The following ADAM11 variants were observed in gnomAD, a reference collection of about 807,000 sequenced individuals.
ADAM11 encodes the protein ADAM metallopeptidase domain 11.
In ADAM11, 49 loss-of-function variants were observed where a neutral mutation model predicts 119.1. That is an observed-to-expected ratio of 0.41 (90% confidence interval 0.33 to 0.52). ADAM11 has a LOEUF of 0.52. Among genes scored for constraint, ADAM11 ranks in the 20% least tolerant of loss-of-function variants. The pLI, the probability that ADAM11 is intolerant of heterozygous loss-of-function variation, is 0.20. For missense variants in ADAM11, 777 were observed against 1,047.5 expected (o/e 0.74, Z 3.56); for synonymous variants, 364 against 408.0 (o/e 0.89, Z 1.30).
chr17:44,776,151 C>G lies in ADAM11; in HGVS notation c.1510C>G (p.Arg504Gly), dbSNP rs770448189. 1 of 1,613,588 alleles carries G rather than the reference C, an allele frequency of 6.2e-7. No individual in the cohort carries two copies. Among genetic ancestry groups the G allele is most frequent in the South Asian group, 1.1e-5 (1 of 91,066 alleles). ...CKYEPRGVSC[R>G]EAVNECDIAE... ...GTACGAACCACGGGGTGTGTCCTGC[C>G]GAGAGGCCGTGAACGAGTGCGACAT... The change falls in exon 18 of 27, where the codon CGA (arginine) becomes GGA (glycine). Residue 504 changes from arginine to glycine, a missense_variant. By Grantham distance (125) the Arg-to-Gly change is moderately radical. Transcript: ENST00000200557. The surrounding 1 kb of genome is among the most constrained non-coding windows in gnomAD (Gnocchi z 5.2).
chr17:44,759,395 C>G, intron 1 of ADAM11, 135 bp downstream of exon 1: 2 of 1,260,612 alleles, frequency 1.6e-6, no homozygotes, highest in Non-Finnish European at 2.0e-6. Flanking sequence ...GGTAGGGGAG[C>G]GGGAGAGGAG....
chr17:44,779,351 G>A, intron 26 of ADAM11, 112 bp downstream of exon 26: 2 of 1,472,184 alleles, frequency 1.4e-6, no homozygotes, highest in Non-Finnish European at 1.8e-6. Context: ...GGGGAGCGGG[G>A]GCTGATTCCC....
intron 1 of ADAM11, 22 bp downstream of exon 1, chr17:44,759,282 C>T (rs1243996582): frequency 6.5e-6 from 9 of 1,377,852 alleles, no homozygotes; most frequent in Non-Finnish European, 8.4e-6. Context: ...CCGCCCGGCC[C>T]CGGCGCCCCC....
chr17:44,764,769 C>CGAG (rs1340621595), intron 2 of ADAM11, among the ~76,000 whole-genome samples: 6 of 152,114 alleles, frequency 3.9e-5, no homozygotes, highest in African/African-American at 1.4e-4. Context: ...CAGGCTGCTG[C>CGAG]GAGGACTTGA....
intron 2 of ADAM11, among the ~76,000 whole-genome samples, chr17:44,766,001 G>T (rs1014459624): frequency 6.6e-6 from 1 of 152,176 alleles, no homozygotes; most frequent in Non-Finnish European, 1.5e-5. Context: ...TCCATTCAAC[G>T]TGAGTGTTGA....
chr17:44,772,441 G>T lies in ADAM11; in HGVS notation c.653G>T (p.Arg218Leu). 2 of 1,575,648 alleles carry T rather than the reference G, an allele frequency of 1.3e-6. No homozygotes were observed. The highest frequency in any genetic ancestry group is 1.7e-6 in the Non-Finnish European group (2 of 1,160,246). The change falls in exon 8 of 27, where the codon CGG (arginine) becomes CTG (leucine). Residue 218 changes from arginine to leucine, a missense_variant. Physicochemically the swap from Arg to Leu is moderately radical, Grantham distance 102. Coordinates refer to ENST00000200557, the MANE Select transcript of ADAM11 (RefSeq NM_002390.6). The surrounding 1 kb of genome is among the most constrained non-coding windows in gnomAD (Gnocchi z 4.5). Reference sequence around the variant, plus strand: ...CCTGCCCAGTCGGCTCCTCCAAACCGGCCGAGGCTGAGAAGGAAAAGGCAG... The same window carrying T: ...CCTGCCCAGTCGGCTCCTCCAAACCTGCCGAGGCTGAGAAGGAAAAGGCAG... Reference protein sequence around the residue: ...AVPAQSAPPNRPRLRRKRQVR... With the variant: ...AVPAQSAPPNLPRLRRKRQVR...
intron 2 of ADAM11, among the ~76,000 whole-genome samples, chr17:44,760,470 C>T (rs1412380065): frequency 2.0e-5 from 3 of 152,248 alleles, no homozygotes; most frequent in Admixed American, 1.3e-4. Context: ...CTGTCCCTTT[C>T]AGCTGCCAGG....
chr17:44,762,969 C>CAA (rs56690757), intron 2 of ADAM11, among the ~76,000 whole-genome samples: 19,363 of 130,534 alleles, frequency 0.15, 1,381 homozygotes, highest in South Asian at 0.29. Flanking sequence ...CCGTCTCTAC[C>CAA]AAAAAAAAAA....
chr17:44,762,426 C>T (rs1475460880), intron 2 of ADAM11, among the ~76,000 whole-genome samples: 1 of 152,198 alleles, frequency 6.6e-6, no homozygotes, highest in Non-Finnish European at 1.5e-5. Flanking sequence ...GCGCTTTTGG[C>T]CTCAGAGCCA....
In ADAM11 at chr17:44,780,992, T is replaced by G. The variant is rs898009133; in HGVS notation, c.*1238T>G. 3.3e-5 allele frequency: 5 copies of G among 152,528 alleles called. No individual in the cohort carries two copies. Among genetic ancestry groups the G allele is most frequent in the African/African-American group, 1.2e-4 (5 of 41,422 alleles). The allele number at this position is 152,528 out of a possible 1,614,324, so 9.4% of individuals were successfully genotyped here. On this transcript the variant is annotated 3_prime_UTR_variant, in exon 27 of 27. Transcript: ENST00000200557. The stretch of plus-strand genomic sequence containing the variant: ...CAGTCTTCTCACACAGTCCTGCCGG[T>G]GGCCTTCCCTCATGACCCTTGCTTG...
At position 44,776,817 on chromosome 17, in the gene ADAM11, C is replaced by T; in HGVS notation, c.1617+22C>T. The stretch of plus-strand genomic sequence containing the variant: ...GCAGGTATGATGGCTGCCCCCTGAG[C>T]CTGGGATTCAGGGCAGTCTCTTGTC... On this transcript the variant is annotated intron_variant, in intron 19 of 26. Coordinates refer to ENST00000200557, the MANE Select transcript of ADAM11 (RefSeq NM_002390.6). The surrounding 1 kb of genome is among the most constrained non-coding windows in gnomAD (Gnocchi z 5.2). 1.2e-6 allele frequency: 2 copies of T among 1,614,080 alleles called. No individual in the cohort carries two copies. The highest frequency in any genetic ancestry group is 1.7e-6 in the Non-Finnish European group (2 of 1,179,930).
At chr17:44,767,351 T>G in intron 2 of ADAM11, among the ~76,000 whole-genome samples, 1 of 100,838 alleles carries the variant, frequency 9.9e-6, no homozygotes, top group Non-Finnish European at 1.9e-5. Flanking sequence ...TGAGACTCCA[T>G]CTCAAAAAAA....
In ADAM11 at chr17:44,778,262, T is replaced by C. The variant is rs2049634110; in HGVS notation, c.2276+20T>C. ...ATTTAAGTAAGAGACACACACACCC[T>C]GTGCCCCCTGGCATCCTTGAGGGGG... On this transcript the variant is annotated intron_variant, in intron 25 of 26. Coordinates refer to ENST00000200557, the MANE Select transcript of ADAM11 (RefSeq NM_002390.6). The C allele has an allele frequency of 6.2e-7, 1 of 1,602,594 alleles. No individual in the cohort carries two copies.
Position 44,777,689 on chromosome 17 carries a change from C to T in ADAM11, c.1902-6C>T, listed in dbSNP as rs769831296. On this transcript the variant is annotated splice_polypyrimidine_tract_variant and splice_region_variant and intron_variant, in intron 22 of 26. Transcript: ENST00000200557. This position sits in a 1 kb window ranked among gnomAD's most constrained non-coding sequence, Gnocchi z 5.1. Reference sequence around the variant, plus strand: ...GGGGCTGAGGCTGGCTGTGTCACTTCCCCAGGGGAGGCCACGTGCAGCTGG... The same window carrying T: ...GGGGCTGAGGCTGGCTGTGTCACTTTCCCAGGGGAGGCCACGTGCAGCTGG... The T allele has an allele frequency of 2.5e-6, 4 of 1,613,560 alleles. No individual in the cohort carries two copies. In the African/African-American group the frequency reaches 4.0e-5, roughly 16 times the overall value.
chr17:44,764,828 G>C (rs1450296082), intron 2 of ADAM11, among the ~76,000 whole-genome samples: 1 of 152,160 alleles, frequency 6.6e-6, no homozygotes, highest in Non-Finnish European at 1.5e-5. Flanking sequence ...AAGAGCCGAT[G>C]GTCAACATCT....
At chr17:44,759,567 C>G in intron 1 of ADAM11, 155 bp from the exon 2 acceptor site, 30 of 1,279,576 alleles carry the variant, frequency 2.3e-5, no homozygotes, top group Non-Finnish European at 2.9e-5. Context: ...TCCCCGCGGG[C>G]TCTTGCCTCT....
At chr17:44,763,523 T>C (rs2049413304) in intron 2 of ADAM11, among the ~76,000 whole-genome samples, 2 of 152,206 alleles carry the variant, frequency 1.3e-5, no homozygotes, top group Non-Finnish European at 2.9e-5. Context: ...GTGAGGGAGC[T>C]TCTGGGAGTG....
Position 44,769,708 on chromosome 17 carries a change from C to T in ADAM11, c.238-10C>T. 6.7e-7 allele frequency: 1 copy of T among 1,486,500 alleles called. No individual in the cohort carries two copies. 92.1% of individuals were successfully genotyped at this position (1,486,500 alleles called of 1,614,324 possible). A position where few individuals can be genotyped will look rare whatever the true frequency, so the allele number is the denominator to read the frequency against. On this transcript the variant is annotated splice_polypyrimidine_tract_variant and intron_variant, in intron 2 of 26. Coordinates refer to ENST00000200557, the MANE Select transcript of ADAM11 (RefSeq NM_002390.6). Reference sequence around the variant, plus strand: ...TGGGTTGACTCCCCCTCTGCCCTCCCCCCACCCAGCCTGTCCATCTGGCCC... The same window carrying T: ...TGGGTTGACTCCCCCTCTGCCCTCCTCCCACCCAGCCTGTCCATCTGGCCC...
At position 44,780,505 on chromosome 17, in the gene ADAM11, C is replaced by T. The variant is rs1254961566; in HGVS notation, c.*751C>T. On this transcript the variant is annotated 3_prime_UTR_variant, in exon 27 of 27. Transcript: ENST00000200557. ...CACATGTCCCAGATCGTCTCCAATT[C>T]GAAAACAACCGTCCTGCTGTCCCTG... The T allele has an allele frequency of 4.0e-6, 1 of 246,928 alleles. No individual in the cohort carries two copies. Among genetic ancestry groups the T allele is most frequent in the Non-Finnish European group, 7.9e-6 (1 of 126,490 alleles). 15.3% of individuals were successfully genotyped at this position (246,928 alleles called of 1,614,324 possible). A position where few individuals can be genotyped will look rare whatever the true frequency, so the allele number is the denominator to read the frequency against.
Sources: gnomAD v4.1 joint callset for allele counts (sites outside exome capture counted in the v4.1 genomes callset) on GRCh38, gnomAD v4.1.1 for gene constraint, Gnocchi (gnomAD v3.1) non-coding constraint, MANE v1.5 for transcripts, NCBI Gene and HGNC (gene_info 2026-07-23, HGNC 2026-07-21) for gene names.